Variants in DPY19L1 observed in about 807,000 individuals in gnomAD.
The protein encoded by DPY19L1 is protein C-mannosyl-transferase DPY19L1.
A neutral mutation model predicts 96.9 loss-of-function variants in DPY19L1; 35 were observed. That is an observed-to-expected ratio of 0.36 (90% CI 0.28 to 0.48). The LOEUF (loss-of-function observed/expected upper bound fraction) is 0.48. Among genes scored for constraint, DPY19L1 ranks in the 20% least tolerant of loss-of-function variants. The pLI is 0.99. For missense variants in DPY19L1, 521 were observed against 777.9 expected (o/e 0.67, Z 3.93); for synonymous variants, 205 against 252.6 (o/e 0.81, Z 1.79).
intron 6 of DPY19L1, among the ~76,000 whole-genome samples, chr7:34,998,631 G>T (rs908451752): frequency 3.3e-5 from 5 of 152,152 alleles, no homozygotes; most frequent in African/African-American, 9.7e-5. Context: ...GCTGGTAAAC[G>T]AAAAAGCAAC....
At chr7:34,972,515 G>C (rs1329473186) in intron 8 of DPY19L1, among the ~76,000 whole-genome samples, 1 of 152,114 alleles carries the variant, frequency 6.6e-6, no homozygotes, top group African/African-American at 2.4e-5. Flanking sequence ...TGGGCAGTCT[G>C]CTGTCTGCAC....
intron 6 of DPY19L1, among the ~76,000 whole-genome samples, chr7:34,998,495 A>G (rs763675281): frequency 8.5e-5 from 13 of 152,200 alleles, no homozygotes; most frequent in South Asian, 2.1e-4. Context: ...GCCCTCATGC[A>G]TAAGTGTCTG....
intron 7 of DPY19L1, among the ~76,000 whole-genome samples, chr7:34,988,836 T>C (rs559453839): frequency 3.6e-5 from 5 of 138,360 alleles, no homozygotes; most frequent in East Asian, 1.9e-4. Context: ...GAATTTATAG[T>C]AGAATTTAAA....
At chr7:34,939,450 T>C (rs1783948177) in intron 19 of DPY19L1, 75 bp from the exon 20 acceptor site, 1 of 1,303,654 alleles carries the variant, frequency 7.7e-7, no homozygotes, top group African/African-American at 1.5e-5. Context: ...TGTAAATCAA[T>C]TATTTCACAG....
At chr7:35,000,845 G>A (rs1403713338) in intron 6 of DPY19L1, 1 of 152,098 alleles carries the variant, frequency 6.6e-6, no homozygotes, top group Non-Finnish European at 1.5e-5. Flanking sequence ...CACTTACTTT[G>A]GCAATGAAAT....
chr7:34,966,919 A>T lies in DPY19L1; in HGVS notation c.1067T>A (p.Leu356Ter). Residue 356 changes from leucine to a stop codon, truncating the protein, a stop_gained, in exon 10 of 22, where the codon TTA becomes TAA. Coordinates refer to ENST00000638088, the MANE Select transcript of DPY19L1 (RefSeq NM_001366673.1). LOFTEE classifies it high-confidence loss of function. The part of the protein sequence containing the change: ...YVVGYIDICK[L>*]RKIIYIHMIS... Reference sequence around the variant, plus strand: ...CATGTGTATATAAATGATCTTCCGTAATTTACATATATCAATGTACCCGAC... The same window carrying T: ...CATGTGTATATAAATGATCTTCCGTTATTTACATATATCAATGTACCCGAC... 6.5e-7 allele frequency: 1 copy of T among 1,541,430 alleles called. No homozygotes were observed. Among genetic ancestry groups the T allele is most frequent in the South Asian group, 1.2e-5 (1 of 80,282 alleles).
At chr7:35,018,719 A>C in intron 1 of DPY19L1, 123 bp from the exon 2 acceptor site, 1 of 818,018 alleles carries the variant, frequency 1.2e-6, no homozygotes, top group South Asian at 1.7e-5. Flanking sequence ...CTGGGTCTTC[A>C]AAAAAGTCCC....
rs773464280 is a variant in DPY19L1, at chr7:34,954,758, C to G, written c.1260G>C (p.Trp420Cys). Residue 420 changes from tryptophan to cysteine, a missense_variant, in exon 13 of 22, where the codon TGG becomes TGC. Trp to Cys is a radical substitution (Grantham distance 215). Transcript: ENST00000638088. ...ATTTAAGTATGACAGTTCCAAATAA[C>G]CAAAAACATCCTTGAATAACCTAAA... The part of the protein sequence containing the change: ...LSLWVIQGCF[W>C]LFGTVILKYL... The G allele has an allele frequency of 5.1e-6, 8 of 1,554,498 alleles. No homozygotes were observed. The East Asian group carries it at 1.8e-4, about 35-fold the overall frequency.
intron 6 of DPY19L1, among the ~76,000 whole-genome samples, chr7:35,002,235 T>G (rs1785445251): frequency 6.6e-6 from 1 of 151,370 alleles, no homozygotes; most frequent in African/African-American, 2.4e-5. Context: ...TTAATACCCT[T>G]AGAGAGAATA....
At chr7:35,027,353 G>A (rs1786146225) in intron 1 of DPY19L1, among the ~76,000 whole-genome samples, 3 of 152,184 alleles carry the variant, frequency 2.0e-5, no homozygotes, top group Non-Finnish European at 4.4e-5. Context: ...TATTTTCTGA[G>A]AATTTTGTTT....
At position 34,949,873 on chromosome 7, in the gene DPY19L1, G is replaced by A. The variant is rs747800979; in HGVS notation, c.1346C>T (p.Ser449Leu). The change falls in exon 14 of 22, where the codon TCA (serine) becomes TTA (leucine). Residue 449 changes from serine (S) to leucine (L), a missense_variant. By Grantham distance (145) the Ser-to-Leu change is moderately radical. Coordinates refer to ENST00000638088, the MANE Select transcript of DPY19L1 (RefSeq NM_001366673.1). Reference sequence around the variant, plus strand: ...AAAATCCTTATAACTAAAGAATTTTGATGTTAGTAAGTTGCCAATATGAGC... The same window carrying A: ...AAAATCCTTATAACTAAAGAATTTTAATGTTAGTAAGTTGCCAATATGAGC... Reference protein sequence around the residue: ...DDAHIGNLLTSKFFSYKDFDT... With the variant: ...DDAHIGNLLTLKFFSYKDFDT... 5 of 1,597,006 alleles carry A rather than the reference G, an allele frequency of 3.1e-6. No homozygotes were observed. Among genetic ancestry groups the A allele is most frequent in the Non-Finnish European group, 4.3e-6 (5 of 1,171,638 alleles).
At chr7:35,005,357 G>A (rs1369203555) in intron 6 of DPY19L1, among the ~76,000 whole-genome samples, 1 of 151,546 alleles carries the variant, frequency 6.6e-6, no homozygotes, top group Non-Finnish European at 1.5e-5. Flanking sequence ...AACAAATCAA[G>A]CAATCAAAGG....
At chr7:34,970,782 T>C (rs558908132) in intron 8 of DPY19L1, among the ~76,000 whole-genome samples, 35 of 150,738 alleles carry the variant, frequency 2.3e-4, no homozygotes, top group African/African-American at 4.4e-4. Context: ...GAAAATCCAA[T>C]TGGTGATCAA....
chr7:35,001,082 C>T (rs328931), intron 6 of DPY19L1, among the ~76,000 whole-genome samples: 41,603 of 151,974 alleles, frequency 0.27, 5,810 homozygotes, highest in Non-Finnish European at 0.31. Flanking sequence ...ATCTATAAAG[C>T]GGTTTACCTA....
chr7:34,933,772 C>T (rs549378248), intron 21 of DPY19L1, among the ~76,000 whole-genome samples: 23 of 152,266 alleles, frequency 1.5e-4, no homozygotes, highest in Non-Finnish European at 2.1e-4. Context: ...GGGTCTACAC[C>T]AGTGGTTTGC....
In DPY19L1 at chr7:35,037,398, G is replaced by T; in HGVS notation, c.-4C>A. 2.9e-6 allele frequency: 1 copy of T among 340,784 alleles called. No individual in the cohort carries two copies. Among genetic ancestry groups the T allele is most frequent in the South Asian group, 1.4e-4 (1 of 7,238 alleles). The allele number at this position is 340,784 out of a possible 1,614,324, so 21.1% of individuals were successfully genotyped here. On this transcript the variant is annotated 5_prime_UTR_variant, in exon 1 of 22. Coordinates refer to ENST00000638088, the MANE Select transcript of DPY19L1 (RefSeq NM_001366673.1). ...TGTTCCGCGCCTGCAGGACCATCTT[G>T]GCATAGTCGCGCCCGCTCGCTGCGC...
chr7:35,012,962 T>G (rs973637489), intron 4 of DPY19L1, among the ~76,000 whole-genome samples: 4 of 152,064 alleles, frequency 2.6e-5, no homozygotes, highest in Admixed American at 6.5e-5. Flanking sequence ...TATATATATA[T>G]AAAATCAATG....
chr7:34,940,090 A>G, intron 19 of DPY19L1, 63 bp downstream of exon 19: 1 of 1,377,018 alleles, frequency 7.3e-7, no homozygotes, highest in African/African-American at 1.5e-5. Context: ...TTGCAGTGGT[A>G]TATAAAATTG....
At position 34,930,532 on chromosome 7, in the gene DPY19L1, A is replaced by G. The variant is rs1233953851; in HGVS notation, c.*1041T>C. On this transcript the variant is annotated 3_prime_UTR_variant, in exon 22 of 22. Transcript: ENST00000638088. ...AAAACTCCATTTATCATTATTCTTT[A>G]CATTTTTGACAGCAAAATTAGTCAT... The G allele has an allele frequency of 6.6e-6, 1 of 152,194 alleles. No homozygotes were observed. Among genetic ancestry groups the G allele is most frequent in the African/African-American group, 2.4e-5 (1 of 41,464 alleles). The allele number at this position is 152,194 out of a possible 1,614,324, so 9.4% of individuals were successfully genotyped here. A position where few individuals can be genotyped will look rare whatever the true frequency, so the allele number is the denominator to read the frequency against.
Sources: allele counts gnomAD v4.1 joint callset (sites outside exome capture counted in the v4.1 genomes callset), GRCh38; gene constraint gnomAD v4.1.1; transcripts MANE v1.5; gene names NCBI Gene and HGNC (gene_info 2026-07-23, HGNC 2026-07-21).